Variants in TECTA observed in about 807,000 individuals in gnomAD.
TECTA encodes the protein tectorin alpha.
A neutral mutation model predicts 216.8 loss-of-function variants in TECTA; 128 were observed. That is an observed-to-expected ratio of 0.59 (90% CI 0.51 to 0.68). The LOEUF is 0.68. Among genes scored for constraint, TECTA ranks in the 30% least tolerant of loss-of-function variants. TECTA has a pLI of 0.00. For synonymous variants in TECTA, 1,089 were observed against 1,117.1 expected (o/e 0.97, Z 0.50); for missense variants, 2,551 against 2,786.2 (o/e 0.92, Z 1.90).
At chr11:121,102,793 T>C in intron 2 of TECTA, 64 bp downstream of exon 2, 2 of 1,419,872 alleles carry the variant, frequency 1.4e-6, no homozygotes, top group Non-Finnish European at 2.0e-6. Flanking sequence ...AAAGAGACAC[T>C]TTTATTGGAA....
chr11:121,102,960 A>C (rs1477503780), intron 2 of TECTA, among the ~76,000 whole-genome samples: 1 of 152,230 alleles, frequency 6.6e-6, no homozygotes, highest in Non-Finnish European at 1.5e-5. Flanking sequence ...TGTATGTACC[A>C]GCTTGCCCTG....
intron 13 of TECTA, among the ~76,000 whole-genome samples, chr11:121,156,937 G>C (rs1238491315): frequency 2.0e-5 from 3 of 152,152 alleles, no homozygotes; most frequent in African/African-American, 7.2e-5. Flanking sequence ...TCCTTTCATG[G>C]ACCCCAGGTG....
At chr11:121,179,567 T>C (rs1411705393) in intron 20 of TECTA, among the ~76,000 whole-genome samples, 1 of 152,164 alleles carries the variant, frequency 6.6e-6, no homozygotes, top group Non-Finnish European at 1.5e-5. Context: ...TAAAGTGCAA[T>C]TTAAGTAAAT....
In TECTA at chr11:121,129,924, G is replaced by C. The variant is rs1311650321; in HGVS notation, c.2654G>C (p.Cys885Ser). Residue 885 changes from cysteine (C) to serine (S), a missense_variant, in exon 10 of 24, where the codon TGC becomes TCC. By Grantham distance (112) the Cys-to-Ser change is moderately radical. This residue lies in a region of TECTA where 2,375 missense variants were observed against 2,563.9 expected (regional missense o/e 0.93). Transcript: ENST00000392793. ...LESWTTFEEICNGECGDLLKA... is the reference protein window; with the variant it reads ...LESWTTFEEISNGECGDLLKA... ...AGCTGGACAACTTTCGAGGAGATCT[G>C]CAATGGAGAGTGTGGGGACCTGCTG... The C allele has an allele frequency of 6.2e-7, 1 of 1,612,960 alleles. No individual in the cohort carries two copies. The highest frequency in any genetic ancestry group is 8.5e-7 in the Non-Finnish European group (1 of 1,179,264).
In TECTA at chr11:121,190,856, C is replaced by T. The variant is rs773285619; in HGVS notation, c.*50C>T. ...TACTGTAATTTACTTACTTCAACAC[C>T]CTGTAGGATAAAAAGTGTGTGCCCT... On this transcript the variant is annotated 3_prime_UTR_variant, in exon 24 of 24. Transcript: ENST00000392793. 3.6e-6 allele frequency: 5 copies of T among 1,375,220 alleles called. No individual in the cohort carries two copies. The highest frequency in any genetic ancestry group is 2.0e-6 in the Non-Finnish European group (2 of 976,874). 85.2% of individuals were successfully genotyped at this position (1,375,220 alleles called of 1,614,324 possible). A position where few individuals can be genotyped will look rare whatever the true frequency, so the allele number is the denominator to read the frequency against.
At chr11:121,110,549 T>TTGTC (rs1946432886) in intron 4 of TECTA, 1 of 152,170 alleles carries the variant, frequency 6.6e-6, no homozygotes, top group South Asian at 2.1e-4. Flanking sequence ...AAGACACAAG[T>TTGTC]TTAAACAGCG....
chr11:121,189,210 C>T lies in TECTA; in HGVS notation c.6250+43C>T, dbSNP rs146803955. The T allele has an allele frequency of 4.8e-4, 769 of 1,596,710 alleles. 1 individual carries two copies. In the East Asian group the frequency reaches 9.1e-3, roughly 19 times the overall value. ...AACACACCCTAAATTATTAAAACAA[C>T]GGGATTTCAAGGCTCAGATGTGTTT... On this transcript the variant is annotated intron_variant, in intron 22 of 23. Coordinates refer to ENST00000392793, the MANE Select transcript of TECTA (RefSeq NM_005422.4).
chr11:121,166,893 C>G, intron 18 of TECTA, 113 bp downstream of exon 18: 1 of 1,238,884 alleles, frequency 8.1e-7, no homozygotes, highest in Non-Finnish European at 1.2e-6. Flanking sequence ...AAATATGCTC[C>G]TTAGAAAACA....
At chr11:121,146,235 A>G in intron 12 of TECTA, 119 bp downstream of exon 12, 4 of 1,209,224 alleles carry the variant, frequency 3.3e-6, no homozygotes, top group Non-Finnish European at 4.7e-6. Context: ...AAGGATATGC[A>G]CTTTGGAACT....
At position 121,116,739 on chromosome 11, in the gene TECTA, A is replaced by G. The variant is rs188233827; in HGVS notation, c.791-1567A>G. Among the ~76,000 whole-genome samples, 103 of 152,244 alleles carry G rather than the reference A, an allele frequency of 6.8e-4. 1 individual carries two copies. The highest frequency in any genetic ancestry group is 1.3e-3 in the Admixed American group (20 of 15,296). ...CAAACAAAATTATCTCAAAGAGTCT[A>G]CCTTTTGGTCCAAACCTCCTCTATT... On this transcript the variant is annotated intron_variant, in intron 6 of 23. Transcript: ENST00000392793.
rs140360902 is a variant in TECTA at position 121,151,687 on chromosome 11, A to G, written c.4106-1194A>G. On this transcript the variant is annotated intron_variant, in intron 12 of 23. Transcript: ENST00000392793. ...CTATGCAAGTATTATGTATTAAACT[A>G]CAAATGTTTTTTAAAAACATGGTAT... Among the ~76,000 whole-genome samples, 1,068 of 130,684 alleles carry G rather than the reference A, an allele frequency of 8.2e-3. 9 individuals are homozygous for G. The highest frequency in any genetic ancestry group is 0.047 in the Middle Eastern group (13 of 274). 85.7% of individuals were successfully genotyped at this position (130,684 alleles called of 152,430 possible).
chr11:121,189,097 C>T lies in TECTA; in HGVS notation c.6180C>T (p.Ser2060=). The change falls in exon 22 of 24, where the codon TCC becomes TCT. Residue 2060 remains serine (S), a synonymous_variant. Coordinates refer to ENST00000392793, the MANE Select transcript of TECTA (RefSeq NM_005422.4). The part of the protein sequence containing the change: ...YSCKITCPHN[S]RIATDYTKEP... ...TCTTGCAGACTTGCCCACACAATTC[C>T]AGGATTGCCACAGATTACACAAAAG... is the stretch of plus-strand genomic sequence containing the variant. 6.2e-7 allele frequency: 1 copy of T among 1,614,128 alleles called. No individual in the cohort carries two copies. The highest frequency in any genetic ancestry group is 2.2e-5 in the East Asian group (1 of 44,884).
At chr11:121,176,684 T>G (rs1050343232) in intron 20 of TECTA, among the ~76,000 whole-genome samples, 48 of 150,394 alleles carry the variant, frequency 3.2e-4, no homozygotes, top group Non-Finnish European at 6.3e-4. Context: ...AGTATCTTTG[T>G]GGCGTTCTCT....
chr11:121,144,443 A>G (rs1946814752), intron 11 of TECTA, among the ~76,000 whole-genome samples: 1 of 152,100 alleles, frequency 6.6e-6, no homozygotes, highest in Non-Finnish European at 1.5e-5. Flanking sequence ...GTTGTCAGCT[A>G]AGAGAGAGAG....
intron 13 of TECTA, among the ~76,000 whole-genome samples, chr11:121,156,734 G>T (rs973678922): frequency 4.6e-5 from 7 of 151,340 alleles, no homozygotes; most frequent in Non-Finnish European, 7.4e-5. Flanking sequence ...GGCTCAAGCA[G>T]TCCTTCCACC....
intron 10 of TECTA, among the ~76,000 whole-genome samples, chr11:121,134,978 G>A (rs561567288): frequency 6.6e-6 from 1 of 152,332 alleles, no homozygotes; most frequent in East Asian, 1.9e-4. Flanking sequence ...GAAGATGTGG[G>A]CAGAAGCAGT....
intron 10 of TECTA, among the ~76,000 whole-genome samples, chr11:121,135,381 A>G (rs1946715607): frequency 6.6e-6 from 1 of 152,246 alleles, no homozygotes; most frequent in Non-Finnish European, 1.5e-5. Flanking sequence ...AAATTCAGAC[A>G]ACACAATAAG....
intron 7 of TECTA, among the ~76,000 whole-genome samples, chr11:121,122,612 G>A (rs1449660917): frequency 2.9e-5 from 4 of 136,230 alleles, no homozygotes; most frequent in African/African-American, 8.3e-5. Flanking sequence ...AAGGAGGGCA[G>A]ATTGCTTGAG....
Position 121,190,856 on chromosome 11 carries a change from C to A in TECTA, c.*50C>A. 2 of 1,375,334 alleles carry A rather than the reference C, an allele frequency of 1.5e-6. No individual in the cohort carries two copies. Among genetic ancestry groups the A allele is most frequent in the Non-Finnish European group, 2.0e-6 (2 of 976,862 alleles). The allele number at this position is 1,375,334 out of a possible 1,614,324, so 85.2% of individuals were successfully genotyped here. On this transcript the variant is annotated 3_prime_UTR_variant, in exon 24 of 24. Coordinates refer to ENST00000392793, the MANE Select transcript of TECTA (RefSeq NM_005422.4). The stretch of plus-strand genomic sequence containing the variant: ...TACTGTAATTTACTTACTTCAACAC[C>A]CTGTAGGATAAAAAGTGTGTGCCCT...
Sources: allele counts gnomAD v4.1 joint callset (sites outside exome capture counted in the v4.1 genomes callset), GRCh38; gene constraint gnomAD v4.1.1; regional missense constraint gnomAD v4.1.1; transcripts MANE v1.5; gene names NCBI Gene and HGNC (gene_info 2026-07-23, HGNC 2026-07-21).